The following PHF20L1 variants were observed in gnomAD, a reference collection of about 807,000 sequenced individuals.
PHF20L1 encodes PHD finger protein 20-like protein 1.
Under a neutral mutation model 125.5 loss-of-function variants are expected in PHF20L1, and 44 were observed. The observed-to-expected ratio is 0.35, with a 90% CI of 0.28 to 0.45. PHF20L1 has a LOEUF of 0.45. Among genes scored for constraint, PHF20L1 ranks in the 20% least tolerant of loss-of-function variants. PHF20L1 has a pLI of 1.00. For synonymous variants in PHF20L1, 380 were observed against 403.1 expected (o/e 0.94, Z 0.69); for missense variants, 1,012 against 1,217.2 (o/e 0.83, Z 2.51).
chr8:132,845,546 A>G (rs904498895), intron 20 of PHF20L1, among the ~76,000 whole-genome samples: 16 of 152,024 alleles, frequency 1.1e-4, no homozygotes, highest in African/African-American at 3.9e-4. Context: ...ATTCCTATAT[A>G]TATAAAGGGG....
At chr8:132,805,340 T>C (rs538943419) in intron 8 of PHF20L1, among the ~76,000 whole-genome samples, 123 of 152,016 alleles carry the variant, frequency 8.1e-4, no homozygotes, top group African/African-American at 2.9e-3. Context: ...TGTTAGGCTG[T>C]TAGAAAACAC....
rs186369148 is a variant in PHF20L1, at chr8:132,825,343, A to G, written c.1716A>G (p.Lys572=). The change falls in exon 14 of 21, where the codon AAA becomes AAG. Residue 572 remains lysine (K), a synonymous_variant. Transcript: ENST00000395386. ...DHYRPKQKKK[K]KKKKKSKQHD... ...ACAGACCAAAACAGAAGAAGAAGAAAAAAAAGAAAAAGAAATCTAAGCAAC... is the reference window on the plus strand; with the variant it reads ...ACAGACCAAAACAGAAGAAGAAGAAGAAAAAGAAAAAGAAATCTAAGCAAC... The G allele has an allele frequency of 1.1e-5, 16 of 1,506,132 alleles. No homozygotes were observed. The East Asian group carries it at 3.1e-4, about 29-fold the overall frequency. 93.3% of individuals were successfully genotyped at this position (1,506,132 alleles called of 1,614,324 possible).
intron 14 of PHF20L1, among the ~76,000 whole-genome samples, chr8:132,828,781 T>C (rs1836467611): frequency 6.6e-6 from 1 of 152,052 alleles, no homozygotes; most frequent in Non-Finnish European, 1.5e-5. Context: ...CTTTCATGTG[T>C]CTGTAAATAT....
At chr8:132,800,480 A>C (rs535212492) in intron 6 of PHF20L1, among the ~76,000 whole-genome samples, 9 of 149,904 alleles carry the variant, frequency 6.0e-5, no homozygotes, top group African/African-American at 2.2e-4. Context: ...AAATATGCCA[A>C]ATCAGTTGTT....
chr8:132,821,566 T>C (rs2131739114), intron 12 of PHF20L1, among the ~76,000 whole-genome samples: 1 of 152,106 alleles, frequency 6.6e-6, no homozygotes, highest in South Asian at 2.1e-4. Flanking sequence ...AGCTGGAGAC[T>C]CTGTTGCCTC....
chr8:132,779,705 A>G lies in PHF20L1; in HGVS notation c.83+1794A>G, dbSNP rs1440145322. ...AGTGAGAAATTTTCTTTCAGTAGTA[A>G]AATGTTTTCTAACTTAGGAGCTGTT... On this transcript the variant is annotated intron_variant, in intron 2 of 20. Transcript: ENST00000395386. Among the ~76,000 whole-genome samples, 8 of 152,328 alleles carry G rather than the reference A, an allele frequency of 5.3e-5. No homozygotes were observed. In the East Asian group the frequency reaches 7.7e-4, roughly 15 times the overall value.
intron 15 of PHF20L1, among the ~76,000 whole-genome samples, chr8:132,832,971 C>T (rs2131850662): frequency 6.6e-6 from 1 of 152,198 alleles, no homozygotes; most frequent in South Asian, 2.1e-4. Context: ...GAAGGGAGCA[C>T]TGGAGTTCAA....
intron 15 of PHF20L1, among the ~76,000 whole-genome samples, chr8:132,835,766 C>T (rs1215579643): frequency 6.6e-6 from 1 of 152,042 alleles, no homozygotes; most frequent in Non-Finnish European, 1.5e-5. Context: ...TCAGGCATTC[C>T]TGGTATTCAG....
At position 132,803,114 on chromosome 8, in the gene PHF20L1, A is replaced by C. The variant is rs569793558; in HGVS notation, c.508-705A>C. Among the ~76,000 whole-genome samples, 13 of 151,918 alleles carry C rather than the reference A, an allele frequency of 8.6e-5. No individual in the cohort carries two copies. In the South Asian group the frequency reaches 2.7e-3, roughly 32 times the overall value. On this transcript the variant is annotated intron_variant, in intron 6 of 20. Coordinates refer to ENST00000395386, the MANE Select transcript of PHF20L1 (RefSeq NM_016018.5). Reference sequence around the variant, plus strand: ...CTAAATTAACACAGGAAAAATAAATATTTGTACCTCAGAAGAATGGTACCA... The same window carrying C: ...CTAAATTAACACAGGAAAAATAAATCTTTGTACCTCAGAAGAATGGTACCA...
At chr8:132,808,425 A>G (rs534460165) in intron 8 of PHF20L1, 21 of 152,058 alleles carry the variant, frequency 1.4e-4, no homozygotes, top group African/African-American at 2.6e-4. Context: ...TTTGTGATCT[A>G]TTTCATCTAT....
intron 2 of PHF20L1, among the ~76,000 whole-genome samples, chr8:132,791,671 ATAT>A (rs1465036655): frequency 2.0e-5 from 3 of 152,198 alleles, no homozygotes; most frequent in African/African-American, 7.2e-5. Context: ...GATAATGGTA[ATAT>A]TTTTAACACC....
At chr8:132,818,614 A>G (rs907673690) in intron 12 of PHF20L1, 1 of 151,896 alleles carries the variant, frequency 6.6e-6, no homozygotes, top group African/African-American at 2.4e-5. Context: ...ACAATACCCA[A>G]ATGTGAATAT....
intron 14 of PHF20L1, among the ~76,000 whole-genome samples, chr8:132,829,632 G>A (rs986796105): frequency 2.0e-5 from 3 of 152,014 alleles, no homozygotes; most frequent in African/African-American, 7.2e-5. Context: ...CAGTGCACTG[G>A]AGATGAGGCC....
At chr8:132,807,221 A>G (rs747676254) in intron 8 of PHF20L1, 5 of 158,048 alleles carry the variant, frequency 3.2e-5, no homozygotes, top group African/African-American at 1.2e-4. Context: ...TACACACACA[A>G]TTTCCCAGTT....
Position 132,804,604 on chromosome 8 carries a change from G to T in PHF20L1, c.722-11G>T. 1 of 1,597,034 alleles carries T rather than the reference G, an allele frequency of 6.3e-7. No homozygotes were observed. The highest frequency in any genetic ancestry group is 8.6e-7 in the Non-Finnish European group (1 of 1,166,890). On this transcript the variant is annotated splice_polypyrimidine_tract_variant and intron_variant, in intron 7 of 20. Transcript: ENST00000395386. ...AGATAAACTCTCATATATGTGTTCT[G>T]TTGAAAGTAGGACTTCATGTAGAGA... is the stretch of plus-strand genomic sequence containing the variant.
At chr8:132,835,481 TTCCCCC>T (rs1837255213) in intron 15 of PHF20L1, among the ~76,000 whole-genome samples, 1 of 152,112 alleles carries the variant, frequency 6.6e-6, no homozygotes, top group Non-Finnish European at 1.5e-5. Flanking sequence ...TAAATAAAGA[TTCCCCC>T]GTGTCTGTCT....
chr8:132,805,844 T>C (rs1324960286), intron 8 of PHF20L1, among the ~76,000 whole-genome samples: 2 of 152,010 alleles, frequency 1.3e-5, no homozygotes, highest in Non-Finnish European at 2.9e-5. Flanking sequence ...ATTATTTTCA[T>C]GCCTGTCTCT....
chr8:132,817,609 A>G (rs769220119), intron 12 of PHF20L1, 64 bp downstream of exon 12: 9 of 1,140,192 alleles, frequency 7.9e-6, no homozygotes, highest in South Asian at 1.4e-5. Context: ...GTTATTAGGT[A>G]TAAACATTTT....
At chr8:132,790,562 T>C (rs1831569781) in intron 2 of PHF20L1, among the ~76,000 whole-genome samples, 2 of 152,214 alleles carry the variant, frequency 1.3e-5, no homozygotes, top group African/African-American at 4.8e-5. Flanking sequence ...ACTAGTCTCC[T>C]TTACCTGCTT....
Sources: gnomAD v4.1 joint callset for allele counts (sites outside exome capture counted in the v4.1 genomes callset) on GRCh38, gnomAD v4.1.1 for gene constraint, MANE v1.5 for transcripts, NCBI Gene and HGNC (gene_info 2026-07-23, HGNC 2026-07-21) for gene names.